Variants in LYST observed in about 807,000 individuals in gnomAD.
The protein encoded by LYST is lysosomal trafficking regulator.
A neutral mutation model predicts 413.6 loss-of-function variants in LYST; 192 were observed. The ratio of observed to expected loss-of-function variants is 0.46; its 90% CI spans 0.41 to 0.52. The LOEUF is 0.52. Ranked by LOEUF, LYST falls within the 20% of genes least tolerant of loss-of-function variation. The pLI is 0.00. For synonymous variants in LYST, 1,525 were observed against 1,567.3 expected (o/e 0.97, Z 0.64); for missense variants, 3,815 against 4,499.9 (o/e 0.85, Z 4.35).
intron 16 of LYST, among the ~76,000 whole-genome samples, chr1:235,779,487 G>A (rs914877650): frequency 6.6e-6 from 1 of 152,266 alleles, no homozygotes; most frequent in Admixed American, 6.5e-5. Flanking sequence ...TCCTCAACCA[G>A]CATCAGCATC....
chr1:235,746,379 T>C lies in LYST; in HGVS notation c.7929A>G (p.Leu2643=), dbSNP rs757275515. The change falls in exon 29 of 53, where the codon CTA becomes CTG. Residue 2643 remains leucine (L), a synonymous_variant. Transcript: ENST00000389793. Reference sequence around the variant, plus strand: ...TGACTGCTAAAACAGTGAGCCTCTGTAGTCTCTGCGCAAGTTCCGTTTCAG... The same window carrying C: ...TGACTGCTAAAACAGTGAGCCTCTGCAGTCTCTGCGCAAGTTCCGTTTCAG... ...QATETELAQR[L]QRLTVLAVNR... The C allele has an allele frequency of 2.5e-6, 4 of 1,613,964 alleles. No homozygotes were observed. The highest frequency in any genetic ancestry group is 1.1e-5 in the South Asian group (1 of 91,082).
chr1:235,861,490 C>T (rs1344739833), intron 1 of LYST, among the ~76,000 whole-genome samples: 1 of 152,064 alleles, frequency 6.6e-6, no homozygotes, highest in Non-Finnish European at 1.5e-5. Flanking sequence ...CAATACAGTG[C>T]CCTCAAAGAC....
chr1:235,765,949 C>G, intron 21 of LYST, 130 bp downstream of exon 21: 2 of 793,040 alleles, frequency 2.5e-6, no homozygotes, highest in Non-Finnish European at 4.5e-6. Flanking sequence ...AACTCTCTGC[C>G]CTATCCCAAC....
At chr1:235,796,502 G>T (rs976364934) in intron 10 of LYST, among the ~76,000 whole-genome samples, 3 of 152,170 alleles carry the variant, frequency 2.0e-5, no homozygotes, top group African/African-American at 4.8e-5. Flanking sequence ...AAGAAAATAC[G>T]CAAATAGCTA....
rs1266162481 is a variant in LYST at position 235,772,250 on chromosome 1, A to G, written c.5784+1592T>C. Among the ~76,000 whole-genome samples, 4 of 151,948 alleles carry G rather than the reference A, an allele frequency of 2.6e-5. No individual in the cohort carries two copies. In the East Asian group the frequency reaches 5.8e-4, roughly 22 times the overall value. ...AAAAAACAAAAGGAGTCTTTTTTCA[A>G]CCTCATAACTCATTACTGGTAATGT... On this transcript the variant is annotated intron_variant, in intron 19 of 52. Transcript: ENST00000389793.
At chr1:235,692,685 G>C (rs1234442104) in intron 47 of LYST, among the ~76,000 whole-genome samples, 1 of 151,732 alleles carries the variant, frequency 6.6e-6, no homozygotes, top group Non-Finnish European at 1.5e-5. Flanking sequence ...TGCCCAGCCA[G>C]TCTGACTCAT....
intron 1 of LYST, among the ~76,000 whole-genome samples, chr1:235,844,818 G>T (rs1306127903): frequency 6.6e-6 from 1 of 152,144 alleles, no homozygotes; most frequent in Non-Finnish European, 1.5e-5. Context: ...TCTCTTTAAA[G>T]AATAAGCCAG....
intron 20 of LYST, among the ~76,000 whole-genome samples, chr1:235,767,574 C>T (rs1350237516): frequency 2.0e-5 from 3 of 152,124 alleles, no homozygotes; most frequent in Admixed American, 6.6e-5. Context: ...AAGTCCAGCC[C>T]AGGTTACTTC....
At chr1:235,677,045 G>T in intron 50 of LYST, 46 bp downstream of exon 50, 1 of 1,418,348 alleles carries the variant, frequency 7.1e-7, no homozygotes, top group Non-Finnish European at 1.0e-6. Flanking sequence ...CGAATGCGCT[G>T]TTAGAGCACC....
chr1:235,721,160 T>A (rs1045808673), intron 39 of LYST, among the ~76,000 whole-genome samples: 4 of 151,766 alleles, frequency 2.6e-5, no homozygotes, highest in African/African-American at 7.3e-5. Context: ...AAAGTTTGTA[T>A]AGAAAAGTCA....
chr1:235,805,977 A>C lies in LYST; in HGVS notation c.3159T>G (p.Gly1053=). ...AACTGTCAGCACTCTTTTTTAGACT[A>C]CCTAGTTCTGATGGTATGGGGTCAC... is the stretch of plus-strand genomic sequence containing the variant. ...IKSDPIPSEL[G]SLKKSADSLG... The change falls in exon 6 of 53, where the codon GGT becomes GGG. Residue 1053 remains glycine (G), a synonymous_variant. Transcript: ENST00000389793. The C allele has an allele frequency of 5.6e-6, 9 of 1,613,554 alleles. No homozygotes were observed. Among genetic ancestry groups the C allele is most frequent in the Non-Finnish European group, 7.6e-6 (9 of 1,179,576 alleles).
At chr1:235,738,977 G>A in intron 31 of LYST, 2 of 720,906 alleles carry the variant, frequency 2.8e-6, no homozygotes, top group Non-Finnish European at 5.2e-6. Flanking sequence ...TACAAAAAGA[G>A]CTGCAATTTT....
chr1:235,787,353 T>C lies in LYST; in HGVS notation c.4709A>G (p.Asp1570Gly). 6.2e-7 allele frequency: 1 copy of C among 1,613,810 alleles called. No homozygotes were observed. Among genetic ancestry groups the C allele is most frequent in the Non-Finnish European group, 8.5e-7 (1 of 1,179,794 alleles). ...TGCTAGTAAAACAGCTTTCATGTCA[T>C]CATTTGAATCCATGCACACACTACA... ...LIFRVCMDSN[D>G]DMKAVLLAQV... Residue 1570 changes from aspartate (D) to glycine (G), a missense_variant, in exon 14 of 53, where the codon GAT (aspartate) becomes GGT (glycine). Around this residue, in one of 4 missense-constraint regions of LYST, gnomAD observed 530 missense variants for 696.5 expected, o/e 0.76. Coordinates refer to ENST00000389793, the MANE Select transcript of LYST (RefSeq NM_000081.4).
intron 50 of LYST, among the ~76,000 whole-genome samples, chr1:235,670,383 G>T (rs1247720551): frequency 1.3e-5 from 2 of 152,204 alleles, no homozygotes; most frequent in African/African-American, 4.8e-5. Flanking sequence ...AATGTGCCTT[G>T]CTGAGAAATG....
chr1:235,781,066 GA>G lies in LYST; in HGVS notation c.5024-12del, dbSNP rs1458783884. ...AACCAACCTTAGCTCCTGAATAGCA[GA>G]AAAATAAAGTTAGTTATTTAAAACA... On this transcript the variant is annotated splice_polypyrimidine_tract_variant and intron_variant, in intron 15 of 52. Coordinates refer to ENST00000389793, the MANE Select transcript of LYST (RefSeq NM_000081.4). 1 of 1,576,846 alleles carries G rather than the reference GA, an allele frequency of 6.3e-7. No individual in the cohort carries two copies. The highest frequency in any genetic ancestry group is 8.7e-7 in the Non-Finnish European group (1 of 1,148,378).
chr1:235,681,437 A>G (rs757078750), intron 48 of LYST, among the ~76,000 whole-genome samples: 3 of 152,122 alleles, frequency 2.0e-5, no homozygotes, highest in Non-Finnish European at 2.9e-5. Context: ...GAAGCAATAA[A>G]GGGTCACTGA....
chr1:235,742,181 GTGGT>G (rs1665467839), intron 30 of LYST, among the ~76,000 whole-genome samples: 2 of 152,254 alleles, frequency 1.3e-5, no homozygotes, highest in East Asian at 3.9e-4. Flanking sequence ...CCGGCCGGGT[GTGGT>G]GGCTCACACG....
chr1:235,821,422 GTC>G (rs1465716477), intron 3 of LYST, among the ~76,000 whole-genome samples: 1 of 152,044 alleles, frequency 6.6e-6, no homozygotes, highest in African/African-American at 2.4e-5. Context: ...GCATGACAGA[GTC>G]TTTTTTTCTG....
intron 3 of LYST, among the ~76,000 whole-genome samples, chr1:235,818,096 T>C (rs1674372397): frequency 6.6e-6 from 1 of 152,192 alleles, no homozygotes; most frequent in Non-Finnish European, 1.5e-5. Context: ...TGATTATAAT[T>C]AACTTTAATC....
Sources: gnomAD v4.1 joint callset for allele counts (sites outside exome capture counted in the v4.1 genomes callset) on GRCh38, gnomAD v4.1.1 for gene constraint, gnomAD v4.1.1 regional missense constraint, MANE v1.5 for transcripts, NCBI Gene and HGNC (gene_info 2026-07-23, HGNC 2026-07-21) for gene names.